Variants in ARHGEF11 observed in about 807,000 individuals in gnomAD.
ARHGEF11 encodes Rho guanine nucleotide exchange factor 11, also known as Rho guanine exchange factor (GEF) 11.
ARHGEF11 carries 55 observed loss-of-function variants against 193.7 expected under a neutral mutation model. That is an observed-to-expected ratio of 0.28 (90% confidence interval 0.23 to 0.36). ARHGEF11 has a LOEUF of 0.36. Ranked by LOEUF, ARHGEF11 falls within the 10% of genes least tolerant of loss-of-function variation. ARHGEF11 has a pLI of 1.00. For synonymous variants in ARHGEF11, 693 were observed against 768.0 expected, an observed-to-expected ratio of 0.90 and a Z score of 1.62; for missense variants, 1,723 against 2,005.6, an observed-to-expected ratio of 0.86 and a Z score of 2.69.
intron 1 of ARHGEF11, among the ~76,000 whole-genome samples, chr1:157,000,416 C>T (rs528426130): frequency 1.3e-4 from 20 of 152,244 alleles, no homozygotes; most frequent in Non-Finnish European, 2.5e-4. Flanking sequence ...CTTGTATAAA[C>T]GGAGTTGTTA....
intron 7 of ARHGEF11, among the ~76,000 whole-genome samples, chr1:156,973,119 C>A (rs1662741011): frequency 6.6e-6 from 1 of 152,030 alleles, no homozygotes; most frequent in Non-Finnish European, 1.5e-5. Context: ...TAAATAGACA[C>A]AGGGGCTTGC....
At chr1:157,002,998 A>C (rs779994137) in intron 1 of ARHGEF11, among the ~76,000 whole-genome samples, 1 of 152,254 alleles carries the variant, frequency 6.6e-6, no homozygotes, top group Non-Finnish European at 1.5e-5. Context: ...TTAGGACTAA[A>C]TTATTTAAAA....
chr1:157,016,025 T>G (rs1669184017), intron 1 of ARHGEF11, among the ~76,000 whole-genome samples: 1 of 151,986 alleles, frequency 6.6e-6, no homozygotes, highest in Non-Finnish European at 1.5e-5. Context: ...ATCTCTAAGA[T>G]TTTAATCCGT....
chr1:156,986,364 G>A (rs1435578583), intron 1 of ARHGEF11, among the ~76,000 whole-genome samples, 191 bp from the exon 2 acceptor site: 1 of 152,076 alleles, frequency 6.6e-6, no homozygotes, highest in Non-Finnish European at 1.5e-5. Flanking sequence ...CTGGAATCCT[G>A]GGCTGGCAGG....
In ARHGEF11 at chr1:156,942,797, A is replaced by G. The variant is rs1468359013; in HGVS notation, c.3236-17T>C. 1 of 1,610,926 alleles carries G rather than the reference A, an allele frequency of 6.2e-7. No homozygotes were observed. Among genetic ancestry groups the G allele is most frequent in the Non-Finnish European group, 8.5e-7 (1 of 1,177,254 alleles). On this transcript the variant is annotated splice_polypyrimidine_tract_variant and intron_variant, in intron 32 of 40. Coordinates refer to ENST00000368194, the MANE Select transcript of ARHGEF11 (RefSeq NM_198236.3). ...CCCGTTTATCTGTGTGAGGAAAGGA[A>G]GGTAGAAGGGTCTGTACTAGGGATG... is the stretch of plus-strand genomic sequence containing the variant.
chr1:156,986,914 T>C (rs927307184), intron 1 of ARHGEF11, among the ~76,000 whole-genome samples: 1 of 152,220 alleles, frequency 6.6e-6, no homozygotes, highest in Admixed American at 6.5e-5. Flanking sequence ...CTGGTCTGTT[T>C]GGCGGTAGTA....
In ARHGEF11 at chr1:156,956,477, C is replaced by G. The variant is rs374524912; in HGVS notation, c.1614G>C (p.Lys538Asn). The change falls in exon 19 of 41, where the codon AAG becomes AAC. Residue 538 changes from lysine to asparagine, a missense_variant. By Grantham distance (94) the Lys-to-Asn change is moderately conservative. Coordinates refer to ENST00000368194, the MANE Select transcript of ARHGEF11 (RefSeq NM_198236.3). ...TGTCCTTGTCAGGAGCAGACTGGGC[C>G]TTTTCAGCTGTGTTGGAAGGTCGTG... is the stretch of plus-strand genomic sequence containing the variant. The part of the protein sequence containing the change: ...REARPSNTAE[K>N]AQSAPDKDKW... The G allele has an allele frequency of 1.2e-6, 2 of 1,614,112 alleles. No homozygotes were observed. The highest frequency in any genetic ancestry group is 8.5e-7 in the Non-Finnish European group (1 of 1,180,020).
At chr1:157,011,068 A>G (rs891300530) in intron 1 of ARHGEF11, among the ~76,000 whole-genome samples, 10 of 152,196 alleles carry the variant, frequency 6.6e-5, no homozygotes, top group African/African-American at 2.2e-4. Flanking sequence ...AAGTTGGTGG[A>G]CTCATAATTC....
chr1:157,023,917 T>C (rs1670314250), intron 1 of ARHGEF11, among the ~76,000 whole-genome samples: 1 of 152,124 alleles, frequency 6.6e-6, no homozygotes, highest in Admixed American at 6.6e-5. Flanking sequence ...TAACATATGA[T>C]CCAGCAACTC....
intron 1 of ARHGEF11, among the ~76,000 whole-genome samples, chr1:156,991,492 G>A (rs909455975): frequency 4.0e-5 from 6 of 151,236 alleles, no homozygotes; most frequent in African/African-American, 1.2e-4. Flanking sequence ...GCTAATTTTC[G>A]TATTTTTTAT....
intron 3 of ARHGEF11, among the ~76,000 whole-genome samples, chr1:156,982,100 C>T (rs572726509): frequency 2.0e-5 from 3 of 152,110 alleles, no homozygotes; most frequent in Admixed American, 6.5e-5. Context: ...GAAATTCCCT[C>T]TTATACGTTC....
At chr1:157,038,946 G>T (rs1275994947) in intron 1 of ARHGEF11, among the ~76,000 whole-genome samples, 1 of 152,092 alleles carries the variant, frequency 6.6e-6, no homozygotes, top group African/African-American at 2.4e-5. Context: ...CTGAGCCTGG[G>T]GAGGTCAAGG....
At chr1:157,017,766 T>C (rs1364111046) in intron 1 of ARHGEF11, among the ~76,000 whole-genome samples, 1 of 151,960 alleles carries the variant, frequency 6.6e-6, no homozygotes, top group African/African-American at 2.4e-5. Flanking sequence ...TTTCTTTTGT[T>C]TTGATTTTTA....
At chr1:157,022,832 A>G (rs1265049336) in intron 1 of ARHGEF11, among the ~76,000 whole-genome samples, 3 of 152,222 alleles carry the variant, frequency 2.0e-5, no homozygotes, top group Non-Finnish European at 4.4e-5. Flanking sequence ...GAACTGAGAA[A>G]CCAGAAATAG....
At chr1:157,035,761 TATATATATATACAGGA>T (rs1249653019) in intron 1 of ARHGEF11, among the ~76,000 whole-genome samples, 5 of 144,014 alleles carry the variant, frequency 3.5e-5, no homozygotes, top group South Asian at 2.2e-4. Context: ...TATGTGGGAA[TATATATATATACAGGA>T]ATATATATAT....
At chr1:157,038,984 C>T (rs149038137) in intron 1 of ARHGEF11, among the ~76,000 whole-genome samples, 115 of 152,282 alleles carry the variant, frequency 7.6e-4, no homozygotes, top group African/African-American at 2.5e-3. Context: ...CATGCCACTG[C>T]ACTCCAGCCT....
At chr1:157,029,516 C>T (rs1671048043) in intron 1 of ARHGEF11, among the ~76,000 whole-genome samples, 1 of 151,880 alleles carries the variant, frequency 6.6e-6, no homozygotes, top group Non-Finnish European at 1.5e-5. Context: ...AGGTGATGCA[C>T]CTGCCTCGGC....
intron 1 of ARHGEF11, among the ~76,000 whole-genome samples, chr1:156,989,239 C>T (rs1451261374): frequency 1.3e-5 from 2 of 151,890 alleles, no homozygotes; most frequent in African/African-American, 4.8e-5. Context: ...CCCCTACTGC[C>T]AGTCAAAGAA....
intron 1 of ARHGEF11, among the ~76,000 whole-genome samples, chr1:156,989,142 G>A (rs921492898): frequency 6.6e-6 from 1 of 151,950 alleles, no homozygotes; most frequent in Non-Finnish European, 1.5e-5. Flanking sequence ...GTATGGAGGC[G>A]GCCCTGAGGA....
Sources: gnomAD v4.1 joint callset for allele counts (sites outside exome capture counted in the v4.1 genomes callset) on GRCh38, gnomAD v4.1.1 for gene constraint, MANE v1.5 for transcripts, NCBI Gene and HGNC (gene_info 2026-07-23, HGNC 2026-07-21) for gene names.